Variants in TNKS observed in about 807,000 individuals in gnomAD.
TNKS encodes the protein tankyrase, also known as poly [ADP-ribose] polymerase tankyrase-1.
A neutral mutation model predicts 135.8 loss-of-function variants in TNKS; 72 were observed. The ratio of observed to expected loss-of-function variants is 0.53; its 90% CI spans 0.44 to 0.64. The LOEUF (loss-of-function observed/expected upper bound fraction) is 0.64. TNKS is among the 30% of genes least tolerant of loss of function. The pLI, the probability that TNKS is intolerant of heterozygous loss-of-function variation, is 0.00. For missense variants in TNKS, 1,769 were observed against 1,674.0 expected, an observed-to-expected ratio of 1.06 and a Z score of -0.99; for synonymous variants, 849 against 649.3, an observed-to-expected ratio of 1.31 and a Z score of -4.68.
intron 2 of TNKS, among the ~76,000 whole-genome samples, chr8:9,598,815 A>C (rs185787145): frequency 0.037 from 3,932 of 105,304 alleles, 333 homozygotes; most frequent in African/African-American, 0.13. Context: ...ATATATATAT[A>C]TATGAATGAA....
chr8:9,599,578 T>C (rs973981485), intron 2 of TNKS, among the ~76,000 whole-genome samples: 5 of 152,224 alleles, frequency 3.3e-5, no homozygotes, highest in African/African-American at 1.2e-4. Flanking sequence ...AGAGATACTT[T>C]GTTACACTCA....
At chr8:9,650,559 C>T (rs2128780900) in intron 3 of TNKS, among the ~76,000 whole-genome samples, 1 of 152,208 alleles carries the variant, frequency 6.6e-6, no homozygotes, top group East Asian at 1.9e-4. Flanking sequence ...TTGCATTTCC[C>T]TGATAGTAAT....
intron 3 of TNKS, among the ~76,000 whole-genome samples, chr8:9,673,421 T>C (rs970027138): frequency 6.6e-6 from 1 of 151,696 alleles, no homozygotes; most frequent in African/African-American, 2.4e-5. Context: ...AGAGTTGTAT[T>C]TGGGGCCTTT....
Position 9,556,094 on chromosome 8 carries a change from G to C in TNKS, c.155G>C (p.Gly52Ala), listed in dbSNP as rs1815276682. The change falls in exon 1 of 27, where the codon GGC (glycine) becomes GCC (alanine). Residue 52 changes from glycine to alanine, a missense_variant. Physicochemically the swap from Gly to Ala is moderately conservative, Grantham distance 60 (BLOSUM62 0). Transcript: ENST00000310430. Reference sequence around the variant, plus strand: ...ACCCCAGCCTCTCCCACGGCCAGCGGCCTGGCCCCCTTCGCCTCCCCGCGG... The same window carrying C: ...ACCCCAGCCTCTCCCACGGCCAGCGCCCTGGCCCCCTTCGCCTCCCCGCGG... ...GTTPASPTAS[G>A]LAPFASPRHG... is the part of the protein sequence containing the mutation. 3.7e-6 allele frequency: 6 copies of C among 1,601,866 alleles called. No individual in the cohort carries two copies. In the East Asian group the frequency reaches 1.3e-4, roughly 36 times the overall value.
chr8:9,752,445 G>T, intron 19 of TNKS, 99 bp from the exon 20 acceptor site: 1 of 792,202 alleles, frequency 1.3e-6, no homozygotes, highest in South Asian at 1.6e-5. Context: ...AAAATCATCT[G>T]ACAGCCAAGG....
intron 3 of TNKS, among the ~76,000 whole-genome samples, chr8:9,652,187 G>A (rs1326563169): frequency 1.3e-5 from 2 of 152,286 alleles, no homozygotes; most frequent in African/African-American, 4.8e-5. Context: ...ATAGATATTT[G>A]TATGACAGGA....
At chr8:9,585,416 A>T (rs1798336460) in intron 2 of TNKS, among the ~76,000 whole-genome samples, 1 of 152,178 alleles carries the variant, frequency 6.6e-6, no homozygotes, top group Non-Finnish European at 1.5e-5. Flanking sequence ...AAGAAAGAGA[A>T]ACCTATCTTG....
In TNKS at chr8:9,764,778, C is replaced by A. The variant is rs759857453; in HGVS notation, c.3435C>A (p.Tyr1145Ter). The change falls in exon 23 of 27, where the codon TAC (tyrosine) becomes TAA (stop). Residue 1145 changes from tyrosine to a stop codon, truncating the protein, a stop_gained. Transcript: ENST00000310430. LOFTEE classifies it high-confidence loss of function. Reference sequence around the variant, plus strand: ...ATGCTGGCGGCATCTTCAACAGATACAATGTCATTCGAGTAAGTTTTTAAA... The same window carrying A: ...ATGCTGGCGGCATCTTCAACAGATAAAATGTCATTCGAGTAAGTTTTTAAA... ...GGNAGGIFNR[Y>*]NVIRIQKVVN... 6.3e-7 allele frequency: 1 copy of A among 1,591,648 alleles called. No individual in the cohort carries two copies. The highest frequency in any genetic ancestry group is 8.5e-7 in the Non-Finnish European group (1 of 1,170,882).
rs371717793 is a variant in TNKS, at chr8:9,762,093, A to G, written c.3274+457A>G. On this transcript the variant is annotated intron_variant, in intron 21 of 26. Coordinates refer to ENST00000310430, the MANE Select transcript of TNKS (RefSeq NM_003747.3). ...TCCTGTTTCTTTTAGGATAGAATCA[A>G]ACATTGCTAACATGGTTTTTTACAA... Among the ~76,000 whole-genome samples the G allele has an allele frequency of 3.6e-4, 55 of 152,342 alleles. 3 individuals carry two copies. In the South Asian group the frequency reaches 9.7e-3, roughly 27 times the overall value.
At chr8:9,608,206 G>T (rs1032953487) in intron 2 of TNKS, among the ~76,000 whole-genome samples, 1 of 152,154 alleles carries the variant, frequency 6.6e-6, no homozygotes, top group African/African-American at 2.4e-5. Context: ...CTCCCAAAGT[G>T]CTGGGAATAT....
intron 2 of TNKS, among the ~76,000 whole-genome samples, chr8:9,593,324 T>A (rs1324334659): frequency 6.6e-6 from 1 of 152,228 alleles, no homozygotes; most frequent in Non-Finnish European, 1.5e-5. Flanking sequence ...GTTGTTACTT[T>A]GCCACAGTCT....
intron 5 of TNKS, among the ~76,000 whole-genome samples, chr8:9,700,216 C>G (rs1803730170): frequency 6.6e-6 from 1 of 152,126 alleles, no homozygotes; most frequent in Admixed American, 6.5e-5. Context: ...AGTGACTTGA[C>G]TCCTTAAAAT....
At chr8:9,591,413 T>A (rs534713218) in intron 2 of TNKS, among the ~76,000 whole-genome samples, 1 of 152,218 alleles carries the variant, frequency 6.6e-6, no homozygotes, top group Non-Finnish European at 1.5e-5. Context: ...AGCGTGGACA[T>A]GTTTTTTCAC....
intron 11 of TNKS, among the ~76,000 whole-genome samples, chr8:9,717,101 A>ATATATATATATATATATATATATATAT (rs1454492300): frequency 1.7e-5 from 2 of 119,336 alleles, no homozygotes; most frequent in Non-Finnish European, 3.7e-5. Flanking sequence ...ATATATATAT[A>ATATATATATATATATATATATATATAT]TTTTCAGGGA....
At chr8:9,647,659 T>C (rs1246729411) in intron 3 of TNKS, among the ~76,000 whole-genome samples, 1 of 152,184 alleles carries the variant, frequency 6.6e-6, no homozygotes, top group Non-Finnish European at 1.5e-5. Context: ...AGAAAATCAT[T>C]TGTGGGTCTG....
chr8:9,730,772 A>T, intron 13 of TNKS, 118 bp from the exon 14 acceptor site: 2 of 1,174,332 alleles, frequency 1.7e-6, no homozygotes, highest in South Asian at 1.6e-5. Flanking sequence ...TTTGGAAATA[A>T]ATATTCATTA....
intron 3 of TNKS, among the ~76,000 whole-genome samples, chr8:9,664,163 T>C (rs1056445937): frequency 6.6e-6 from 1 of 152,222 alleles, no homozygotes; most frequent in Non-Finnish European, 1.5e-5. Context: ...GCTCACAGTT[T>C]TGCAGGCTGT....
intron 3 of TNKS, among the ~76,000 whole-genome samples, chr8:9,616,726 G>A (rs536188434): frequency 7.2e-5 from 11 of 152,274 alleles, no homozygotes; most frequent in East Asian, 3.9e-4. Flanking sequence ...AGAGTAATAT[G>A]ACTTTTCTCA....
chr8:9,713,694 A>G (rs1190604045), intron 11 of TNKS, among the ~76,000 whole-genome samples: 2 of 152,208 alleles, frequency 1.3e-5, no homozygotes, highest in Non-Finnish European at 2.9e-5. Flanking sequence ...ATAGATATCA[A>G]TTGCTATCAG....
Sources: gnomAD v4.1 joint callset for allele counts (sites outside exome capture counted in the v4.1 genomes callset) on GRCh38, gnomAD v4.1.1 for gene constraint, MANE v1.5 for transcripts, NCBI Gene and HGNC (gene_info 2026-07-23, HGNC 2026-07-21) for gene names.